The following CCDC138 variants were observed in gnomAD, a reference collection of about 807,000 sequenced individuals.
CCDC138 encodes coiled-coil domain containing 138.
A neutral mutation model predicts 82.3 loss-of-function variants in CCDC138; 66 were observed. The ratio of observed to expected loss-of-function variants is 0.80; its 90% CI spans 0.66 to 0.98. The LOEUF (loss-of-function observed/expected upper bound fraction) is 0.98. CCDC138 is among the 50% of genes least tolerant of loss of function. The pLI is 0.00. For missense variants in CCDC138, 816 were observed against 758.9 expected (o/e 1.08, Z -0.88); for synonymous variants, 297 against 265.4 (o/e 1.12, Z -1.16).
At chr2:108,834,256 G>T (rs1459284460) in intron 10 of CCDC138, among the ~76,000 whole-genome samples, 2 of 141,052 alleles carry the variant, frequency 1.4e-5, no homozygotes, top group African/African-American at 2.8e-5. Context: ...TCTGTCACAC[G>T]AGCTGGAGTG....
Position 108,876,076 on chromosome 2 carries a change from T to A in CCDC138, c.1833-12T>A. On this transcript the variant is annotated splice_polypyrimidine_tract_variant and intron_variant, in intron 14 of 14. Coordinates refer to ENST00000295124, the MANE Select transcript of CCDC138 (RefSeq NM_144978.3). ...TATGTGTAATTAAATAATGTATTCATTTTTTTTACAGGAGTAATAAGAAGC... is the reference window on the plus strand; with the variant it reads ...TATGTGTAATTAAATAATGTATTCAATTTTTTTACAGGAGTAATAAGAAGC... 6.7e-7 allele frequency: 1 copy of A among 1,490,552 alleles called. No individual in the cohort carries two copies. Among genetic ancestry groups the A allele is most frequent in the South Asian group, 1.2e-5 (1 of 84,822 alleles). The allele number at this position is 1,490,552 out of a possible 1,614,324, so 92.3% of individuals were successfully genotyped here.
intron 10 of CCDC138, among the ~76,000 whole-genome samples, chr2:108,835,904 C>G (rs901678329): frequency 6.6e-6 from 1 of 152,200 alleles, no homozygotes; most frequent in African/African-American, 2.4e-5. Flanking sequence ...GCTGCATCCT[C>G]ACATGGCACA....
chr2:108,852,996 T>C (rs1322969828), intron 12 of CCDC138, among the ~76,000 whole-genome samples: 1 of 152,228 alleles, frequency 6.6e-6, no homozygotes, highest in Non-Finnish European at 1.5e-5. Flanking sequence ...GTTAATATTT[T>C]TGAAATGCAT....
chr2:108,857,872 T>C (rs943131152), intron 13 of CCDC138, among the ~76,000 whole-genome samples: 5 of 152,238 alleles, frequency 3.3e-5, no homozygotes, highest in Non-Finnish European at 7.3e-5. Context: ...AAGAAATCTT[T>C]CTGAATATGA....
chr2:108,832,822 G>A (rs1004969920), intron 10 of CCDC138, among the ~76,000 whole-genome samples: 1 of 152,202 alleles, frequency 6.6e-6, no homozygotes, highest in African/African-American at 2.4e-5. Context: ...CTATTACAGG[G>A]TATGGGTGAG....
chr2:108,856,021 G>A (rs1006322680), intron 12 of CCDC138, among the ~76,000 whole-genome samples: 20 of 152,132 alleles, frequency 1.3e-4, no homozygotes, highest in African/African-American at 4.6e-4. Flanking sequence ...AAAGCACAAG[G>A]TAAGACTGCT....
intron 5 of CCDC138, among the ~76,000 whole-genome samples, chr2:108,796,179 G>A (rs1207408496): frequency 1.3e-5 from 2 of 152,034 alleles, no homozygotes; most frequent in African/African-American, 2.4e-5. Flanking sequence ...CTCCCGAGTA[G>A]CTGGGACTAC....
downstream of CCDC138, among the ~76,000 whole-genome samples, chr2:108,876,972 A>T (rs1377624986): frequency 6.6e-6 from 1 of 152,230 alleles, no homozygotes. Context: ...TTAGGACAGG[A>T]TACTGAGAAA....
intron 10 of CCDC138, among the ~76,000 whole-genome samples, chr2:108,833,520 A>C (rs1688035818): frequency 6.6e-6 from 1 of 152,220 alleles, no homozygotes; most frequent in South Asian, 2.1e-4. Flanking sequence ...AATTTAGTGA[A>C]GTCTGGTGTT....
chr2:108,818,808 G>A (rs1193728233), intron 10 of CCDC138, among the ~76,000 whole-genome samples: 2 of 150,494 alleles, frequency 1.3e-5, no homozygotes, highest in African/African-American at 4.9e-5. Flanking sequence ...AATTACCTTT[G>A]GAAACTTCTG....
chr2:108,805,815 C>G (rs989040085), intron 7 of CCDC138, among the ~76,000 whole-genome samples: 7 of 151,474 alleles, frequency 4.6e-5, no homozygotes, highest in Non-Finnish European at 8.8e-5. Context: ...TTTTTTCCTT[C>G]CATCTGCCAG....
exon 3 of CCDC138, chr2:108,885,370 G>A (rs1040609244): frequency 1.3e-5 from 2 of 152,168 alleles, no homozygotes; most frequent in African/African-American, 2.4e-5. Flanking sequence ...TGAGATGATT[G>A]TTATTTCATT....
chr2:108,867,271 C>T (rs1024916005), intron 13 of CCDC138, among the ~76,000 whole-genome samples: 4 of 152,122 alleles, frequency 2.6e-5, no homozygotes, highest in African/African-American at 9.7e-5. Context: ...AGAAGCTCCC[C>T]GCTGGAAGCT....
chr2:108,862,677 T>C (rs1693824426), intron 13 of CCDC138, among the ~76,000 whole-genome samples: 1 of 152,226 alleles, frequency 6.6e-6, no homozygotes, highest in South Asian at 2.1e-4. Flanking sequence ...AGATATATAA[T>C]TTTCATTTAA....
chr2:108,858,211 G>T (rs987447786), intron 13 of CCDC138, among the ~76,000 whole-genome samples: 1 of 152,178 alleles, frequency 6.6e-6, no homozygotes, highest in African/African-American at 2.4e-5. Flanking sequence ...GGGCATGGTG[G>T]TGTGCGCCTG....
chr2:108,815,873 T>C, intron 9 of CCDC138, 68 bp from the exon 10 acceptor site: 1 of 1,303,990 alleles, frequency 7.7e-7, no homozygotes, highest in Non-Finnish European at 1.1e-6. Context: ...CTTAACAAAT[T>C]TAAGGTTTGT....
intron 12 of CCDC138, among the ~76,000 whole-genome samples, chr2:108,855,029 C>T (rs976026220): frequency 2.6e-5 from 4 of 152,028 alleles, no homozygotes; most frequent in African/African-American, 9.6e-5. Context: ...CATTTGATTG[C>T]CAGGACATTG....
At chr2:108,841,744 A>G (rs1475004423) in intron 11 of CCDC138, among the ~76,000 whole-genome samples, 1 of 151,946 alleles carries the variant, frequency 6.6e-6, no homozygotes, top group African/African-American at 2.4e-5. Flanking sequence ...GTACTTATTG[A>G]TATGTTAGGG....
chr2:108,821,906 C>T (rs1052653576), intron 10 of CCDC138, among the ~76,000 whole-genome samples: 1 of 125,088 alleles, frequency 8.0e-6, no homozygotes, highest in Non-Finnish European at 1.6e-5. Context: ...CCAGCATGGG[C>T]AACAAGAGCG....
Sources: gnomAD v4.1 joint callset for allele counts (sites outside exome capture counted in the v4.1 genomes callset) on GRCh38, gnomAD v4.1.1 for gene constraint, MANE v1.5 for transcripts, NCBI Gene and HGNC (gene_info 2026-07-23, HGNC 2026-07-21) for gene names.